The following YIPF4 variants were observed in gnomAD, a reference collection of about 807,000 sequenced individuals.
YIPF4 encodes the protein protein YIPF4.
In YIPF4, 18 loss-of-function variants were observed where a neutral mutation model predicts 29.4. That is an observed-to-expected ratio of 0.61 (90% CI 0.42 to 0.91). The LOEUF (loss-of-function observed/expected upper bound fraction) is 0.91, where lower values mean the gene tolerates loss of function less well. YIPF4 is among the 40% of genes least tolerant of loss of function. The pLI, the probability that YIPF4 is intolerant of heterozygous loss-of-function variation, is 0.00. For synonymous variants in YIPF4, 115 were observed against 104.7 expected, an observed-to-expected ratio of 1.10 and a Z score of -0.60; for missense variants, 279 against 282.7, an observed-to-expected ratio of 0.99 and a Z score of 0.09.
At chr2:32,280,909 T>C (rs1053750086) in intron 1 of YIPF4, among the ~76,000 whole-genome samples, 1 of 152,230 alleles carries the variant, frequency 6.6e-6, no homozygotes, top group African/African-American at 2.4e-5. Context: ...AAAAATTGTT[T>C]AAGTGTCAGA....
chr2:32,281,227 C>A (rs2030398377), intron 1 of YIPF4, among the ~76,000 whole-genome samples: 1 of 150,534 alleles, frequency 6.6e-6, no homozygotes, highest in Non-Finnish European at 1.5e-5. Flanking sequence ...AAGTATACTA[C>A]TCATTTGATC....
At position 32,306,295 on chromosome 2, in the gene YIPF4, T is replaced by A. The variant is rs1027670246; in HGVS notation, c.*669T>A. The A allele has an allele frequency of 3.0e-6, 3 of 984,150 alleles. No homozygotes were observed. In the African/African-American group the frequency reaches 5.2e-5, roughly 17 times the overall value. The allele number at this position is 984,150 out of a possible 1,614,324, so 61.0% of individuals were successfully genotyped here. ...TTTTTAATAGTTGCTGATATATATTTGGTTTGTTTGGGTATACTTTTCAAA... is the reference window on the plus strand; with the variant it reads ...TTTTTAATAGTTGCTGATATATATTAGGTTTGTTTGGGTATACTTTTCAAA... On this transcript the variant is annotated 3_prime_UTR_variant, in exon 6 of 6. Transcript: ENST00000238831.
Position 32,277,943 on chromosome 2 carries a change from G to T in YIPF4, c.-213G>T, listed in dbSNP as rs113798334. On this transcript the variant is annotated 5_prime_UTR_variant, in exon 1 of 6. Coordinates refer to ENST00000238831, the MANE Select transcript of YIPF4 (RefSeq NM_032312.4). Reference sequence around the variant, plus strand: ...CCTGTCAGGGTGCCGGCGTCGTGGTGCTTGGGTGGTCGCCACCAAGAAGAC... The same window carrying T: ...CCTGTCAGGGTGCCGGCGTCGTGGTTCTTGGGTGGTCGCCACCAAGAAGAC... 2 of 533,344 alleles carry T rather than the reference G, an allele frequency of 3.7e-6. No individual in the cohort carries two copies. Among genetic ancestry groups the T allele is most frequent in the South Asian group, 2.3e-5 (1 of 43,080 alleles). The allele number at this position is 533,344 out of a possible 1,614,324, so 33.0% of individuals were successfully genotyped here.
At chr2:32,292,127 T>A (rs2030945157) in intron 2 of YIPF4, 50 bp from the exon 3 acceptor site, 1 of 1,236,364 alleles carries the variant, frequency 8.1e-7, no homozygotes, top group Non-Finnish European at 1.1e-6. Context: ...GGAATTGTTT[T>A]AGTATTCAGA....
intron 5 of YIPF4, among the ~76,000 whole-genome samples, chr2:32,301,879 G>A (rs1573542151): frequency 6.6e-6 from 1 of 151,850 alleles, no homozygotes; most frequent in East Asian, 1.9e-4. Context: ...CTAATTTTTT[G>A]TTTTTAGTAG....
Position 32,307,268 on chromosome 2 carries a change from C to A in YIPF4, c.*1642C>A, listed in dbSNP as rs2031610675. The A allele has an allele frequency of 3.3e-6, 2 of 598,050 alleles. No homozygotes were observed. The highest frequency in any genetic ancestry group is 5.4e-5 in the Admixed American group (1 of 18,476). 37.0% of individuals were successfully genotyped at this position (598,050 alleles called of 1,614,324 possible). A position where few individuals can be genotyped will look rare whatever the true frequency, so the allele number is the denominator to read the frequency against. The stretch of plus-strand genomic sequence containing the variant: ...ATAATGGATTATAATATTTGACATT[C>A]ATAGTGTTGACCCTGGAATCTTTCA... On this transcript the variant is annotated 3_prime_UTR_variant, in exon 6 of 6. Transcript: ENST00000238831.
chr2:32,301,176 T>A (rs922200442), intron 4 of YIPF4, among the ~76,000 whole-genome samples: 1 of 152,238 alleles, frequency 6.6e-6, no homozygotes, highest in Non-Finnish European at 1.5e-5. Flanking sequence ...GCAAATTTAT[T>A]TTAATTGAAA....
At chr2:32,299,127 G>C (rs955949089) in intron 4 of YIPF4, among the ~76,000 whole-genome samples, 3 of 152,110 alleles carry the variant, frequency 2.0e-5, no homozygotes, top group African/African-American at 7.2e-5. Context: ...ATCTGCCTCA[G>C]CCTCGCAAAG....
chr2:32,282,920 C>T (rs1262036756), intron 1 of YIPF4, among the ~76,000 whole-genome samples: 1 of 151,374 alleles, frequency 6.6e-6, no homozygotes, highest in Non-Finnish European at 1.5e-5. Context: ...ACTAAAAATA[C>T]AAAAAAATTA....
chr2:32,287,302 A>T (rs1387370468), intron 1 of YIPF4, among the ~76,000 whole-genome samples: 3 of 152,200 alleles, frequency 2.0e-5, no homozygotes, highest in Non-Finnish European at 4.4e-5. Context: ...AATATCTTTT[A>T]GTGCAAAAAC....
At chr2:32,302,029 CTTTCT>C (rs1188578257) in intron 5 of YIPF4, among the ~76,000 whole-genome samples, 3 of 142,848 alleles carry the variant, frequency 2.1e-5, no homozygotes, top group South Asian at 2.2e-4. Flanking sequence ...CTTTTTCTTT[CTTTCT>C]TTTTTTTTTT....
At chr2:32,295,361 T>C (rs1464760971) in intron 3 of YIPF4, among the ~76,000 whole-genome samples, 1 of 152,172 alleles carries the variant, frequency 6.6e-6, no homozygotes, top group African/African-American at 2.4e-5. Context: ...AGCTTAGTGG[T>C]TTTAAATAAT....
At chr2:32,285,944 A>G (rs888595530) in intron 1 of YIPF4, among the ~76,000 whole-genome samples, 4 of 152,214 alleles carry the variant, frequency 2.6e-5, no homozygotes, top group Non-Finnish European at 4.4e-5. Flanking sequence ...AATGTTTTCT[A>G]TACAATATGC....
At chr2:32,291,952 C>T (rs775093923) in intron 2 of YIPF4, among the ~76,000 whole-genome samples, 9 of 152,032 alleles carry the variant, frequency 5.9e-5, no homozygotes, top group Non-Finnish European at 1.2e-4. Flanking sequence ...TCCAGGCTGA[C>T]GATTGTAAGA....
intron 1 of YIPF4, among the ~76,000 whole-genome samples, chr2:32,288,189 T>C (rs1465173717): frequency 6.6e-6 from 1 of 152,236 alleles, no homozygotes; most frequent in Non-Finnish European, 1.5e-5. Flanking sequence ...ACTGCTATTG[T>C]TGGCATTCCT....
chr2:32,292,310 C>T lies in YIPF4; in HGVS notation c.367C>T (p.Leu123Phe). Residue 123 changes from leucine (L) to phenylalanine (F), a missense_variant, in exon 3 of 6, where the codon CTT (leucine) becomes TTT (phenylalanine). Leu to Phe is a conservative substitution (Grantham distance 22). Coordinates refer to ENST00000238831, the MANE Select transcript of YIPF4 (RefSeq NM_032312.4). ...CTTTTGGGGTCCTCTGGCTGTTGTTCTTTTCTTTTCCATGATATCATTATA... is the reference window on the plus strand; with the variant it reads ...CTTTTGGGGTCCTCTGGCTGTTGTTTTTTTCTTTTCCATGATATCATTATA... ...PDFWGPLAVVLFFSMISLYGQ... is the reference protein window; with the variant it reads ...PDFWGPLAVVFFFSMISLYGQ... 2 of 1,599,308 alleles carry T rather than the reference C, an allele frequency of 1.3e-6. No individual in the cohort carries two copies. The highest frequency in any genetic ancestry group is 1.7e-6 in the Non-Finnish European group (2 of 1,172,988).
At chr2:32,295,923 A>C (rs549890655) in intron 3 of YIPF4, among the ~76,000 whole-genome samples, 1 of 152,254 alleles carries the variant, frequency 6.6e-6, no homozygotes, top group East Asian at 1.9e-4. Context: ...TCTTTTAAGG[A>C]CAATTGTTAC....
At chr2:32,296,112 C>T (rs944556251) in intron 3 of YIPF4, among the ~76,000 whole-genome samples, 13 of 152,146 alleles carry the variant, frequency 8.5e-5, no homozygotes, top group African/African-American at 3.1e-4. Flanking sequence ...TCCTACCTAC[C>T]ACTGGTTCTT....
chr2:32,310,112 T>C lies in YIPF4; in HGVS notation c.*4486T>C, dbSNP rs1000569175. On this transcript the variant is annotated 3_prime_UTR_variant, in exon 6 of 6. Coordinates refer to ENST00000238831, the MANE Select transcript of YIPF4 (RefSeq NM_032312.4). The stretch of plus-strand genomic sequence containing the variant: ...ACCCAATTCTCTGCACTGACATATG[T>C]ACACAAAGTAATATTTTATTATTCT... 6.6e-6 allele frequency: 1 copy of C among 152,246 alleles called. No homozygotes were observed. Among genetic ancestry groups the C allele is most frequent in the Non-Finnish European group, 1.5e-5 (1 of 68,044 alleles). 9.4% of individuals were successfully genotyped at this position (152,246 alleles called of 1,614,324 possible).
Sources: gnomAD v4.1 joint callset for allele counts (sites outside exome capture counted in the v4.1 genomes callset) on GRCh38, gnomAD v4.1.1 for gene constraint, MANE v1.5 for transcripts, NCBI Gene and HGNC (gene_info 2026-07-23, HGNC 2026-07-21) for gene names.